Variants in DST observed in about 807,000 individuals in gnomAD.
DST encodes the protein dystonin, also known as bullous pemphigoid antigen.
A neutral mutation model predicts 875.2 loss-of-function variants in DST; 253 were observed. The observed-to-expected ratio is 0.29, with a 90% CI of 0.26 to 0.32. The LOEUF is 0.32. Ranked by LOEUF, DST falls within the 10% of genes least tolerant of loss-of-function variation. The pLI, the probability that DST is intolerant of heterozygous loss-of-function variation, is 1.00. For synonymous variants in DST, 3,124 were observed against 3,197.1 expected (o/e 0.98, Z 0.77); for missense variants, 8,287 against 9,111.6 (o/e 0.91, Z 3.68).
At chr6:56,573,611 A>T in intron 51 of DST, 68 bp downstream of exon 51, 1 of 1,173,716 alleles carries the variant, frequency 8.5e-7, no homozygotes, top group Non-Finnish European at 1.2e-6. Flanking sequence ...AAATCTAACT[A>T]CACTTTGAGC....
intron 34 of DST, among the ~76,000 whole-genome samples, chr6:56,626,593 G>T: frequency 6.6e-6 from 1 of 152,080 alleles, no homozygotes; most frequent in East Asian, 1.9e-4. Flanking sequence ...CGCATTTCTC[G>T]GAATATATCC....
intron 3 of DST, among the ~76,000 whole-genome samples, chr6:56,890,876 A>G (rs909689549): frequency 6.6e-6 from 1 of 152,214 alleles, no homozygotes; most frequent in Non-Finnish European, 1.5e-5. Context: ...TGCTTCATAT[A>G]AAGTCATTCA....
chr6:56,872,799 C>A (rs1777834051), intron 3 of DST, among the ~76,000 whole-genome samples: 1 of 147,390 alleles, frequency 6.8e-6, no homozygotes, highest in Non-Finnish European at 1.5e-5. Context: ...TATGGAAGTG[C>A]AGAATCTCTT....
At chr6:56,593,600 A>G (rs1427111641) in intron 48 of DST, 63 bp downstream of exon 48, 1 of 1,368,742 alleles carries the variant, frequency 7.3e-7, no homozygotes, top group Non-Finnish European at 9.7e-7. Flanking sequence ...CTTGTTCCAA[A>G]ACTATAATTG....
At chr6:56,489,953 G>A (rs1046834656) in intron 85 of DST, among the ~76,000 whole-genome samples, 3 of 152,022 alleles carry the variant, frequency 2.0e-5, no homozygotes, top group Admixed American at 6.6e-5. Context: ...AAAATGTTTT[G>A]TATTTTTGTT....
Position 56,635,536 on chromosome 6 carries a change from C to G in DST, c.3186+53G>C. The G allele has an allele frequency of 1.9e-6, 3 of 1,581,536 alleles. No homozygotes were observed. The Admixed American group carries it at 5.0e-5, about 27-fold the overall frequency. ...TACAAAGTTCTGCTCATATAAAACA[C>G]TAATCTAATCACTTATGCATACTTA... On this transcript the variant is annotated intron_variant, in intron 24 of 103. Transcript: ENST00000680361.
chr6:56,811,971 GC>G (rs2099760471), intron 4 of DST, among the ~76,000 whole-genome samples: 1 of 151,432 alleles, frequency 6.6e-6, no homozygotes, highest in South Asian at 2.1e-4. Context: ...GCGTAGTGGA[GC>G]ACACCTGTAG....
At chr6:56,809,430 A>C (rs915584021) in intron 4 of DST, among the ~76,000 whole-genome samples, 1 of 152,182 alleles carries the variant, frequency 6.6e-6, no homozygotes, top group African/African-American at 2.4e-5. Flanking sequence ...CTTATTTCAC[A>C]ACCTAACCAT....
chr6:56,611,781 C>T (rs2098547436), intron 37 of DST, among the ~76,000 whole-genome samples, 185 bp from the exon 38 acceptor site: 1 of 152,092 alleles, frequency 6.6e-6, no homozygotes, highest in Admixed American at 6.5e-5. Context: ...ATTTAGAATC[C>T]GTAAGGAAAG....
Position 56,607,596 on chromosome 6 carries a change from T to C in DST, c.7032A>G (p.Ile2344Met), listed in dbSNP as rs777200026. 28 of 1,612,960 alleles carry C rather than the reference T, an allele frequency of 1.7e-5. No homozygotes were observed. The highest frequency in any genetic ancestry group is 2.2e-5 in the Non-Finnish European group (26 of 1,179,496). ...SSPSVCVPSL[I>M]SYLTQTELAD... ...CAAGTTCAGTCTGTGTTAAATATGATATGAGACTGGGAACACACACACTGG... is the reference window on the plus strand; with the variant it reads ...CAAGTTCAGTCTGTGTTAAATATGACATGAGACTGGGAACACACACACTGG... Residue 2344 changes from isoleucine to methionine, a missense_variant, in exon 40 of 104, where the codon ATA becomes ATG. Coordinates refer to ENST00000680361, the MANE Select transcript of DST (RefSeq NM_001374736.1).
chr6:56,817,087 A>AC (rs2099767390), intron 4 of DST, among the ~76,000 whole-genome samples: 1 of 127,208 alleles, frequency 7.9e-6, no homozygotes, highest in African/African-American at 3.0e-5. Context: ...TAAGCCACTT[A>AC]AACACACACA....
chr6:56,817,917 TTATC>T (rs1351251795), intron 4 of DST, among the ~76,000 whole-genome samples: 2 of 152,126 alleles, frequency 1.3e-5, no homozygotes, highest in Admixed American at 1.3e-4. Context: ...CTAGCCTGGA[TTATC>T]CAGGTGGACT....
At chr6:56,917,819 C>T (rs759303209) in intron 2 of DST, among the ~76,000 whole-genome samples, 1 of 152,166 alleles carries the variant, frequency 6.6e-6, no homozygotes, top group Non-Finnish European at 1.5e-5. Context: ...ACAAAATAGA[C>T]TCTCAATATG....
chr6:56,923,582 T>C (rs1805403362), intron 2 of DST, among the ~76,000 whole-genome samples: 3 of 151,674 alleles, frequency 2.0e-5, no homozygotes, highest in African/African-American at 7.3e-5. Context: ...AATTCAAATC[T>C]ACAGGATGGG....
chr6:56,482,499 A>G lies in DST; in HGVS notation c.21402+184T>C. 8.4e-6 allele frequency: 5 copies of G among 596,066 alleles called. 1 individual carries two copies. The Admixed American group carries it at 1.7e-4, about 21-fold the overall frequency. The allele number at this position is 596,066 out of a possible 1,614,324, so 36.9% of individuals were successfully genotyped here. On this transcript the variant is annotated intron_variant, in intron 89 of 103. Transcript: ENST00000680361. Reference sequence around the variant, plus strand: ...TGTGAAGATTAGAATGCCTCCCTCTAGCAGTAATTTAAATTCATGAGGGAG... The same window carrying G: ...TGTGAAGATTAGAATGCCTCCCTCTGGCAGTAATTTAAATTCATGAGGGAG...
Position 56,614,414 on chromosome 6 carries a change from A to T in DST, c.5000T>A (p.Ile1667Asn), listed in dbSNP as rs1265974861. 1.2e-6 allele frequency: 2 copies of T among 1,611,168 alleles called. No individual in the cohort carries two copies. The highest frequency in any genetic ancestry group is 4.5e-5 in the East Asian group (2 of 44,720). Reference sequence around the variant, plus strand: ...CTCTGCATCTTTCAATGTCTTGCTGATATTTGATACCCATTTTTGCAATTC... The same window carrying T: ...CTCTGCATCTTTCAATGTCTTGCTGTTATTTGATACCCATTTTTGCAATTC... The part of the protein sequence containing the change: ...AKELQKWVSN[I>N]SKTLKDAEKA... The change falls in exon 37 of 104, where the codon ATC becomes AAC. Residue 1667 changes from isoleucine (I) to asparagine (N), a missense_variant. Coordinates refer to ENST00000680361, the MANE Select transcript of DST (RefSeq NM_001374736.1).
At chr6:56,705,609 TGAA>T (rs573104245) in intron 5 of DST, among the ~76,000 whole-genome samples, 281 of 152,340 alleles carry the variant, frequency 1.8e-3, no homozygotes, top group African/African-American at 6.4e-3. Flanking sequence ...TTTTGATTGA[TGAA>T]GAAGAAGTTC....
intron 2 of DST, among the ~76,000 whole-genome samples, chr6:56,911,218 T>A (rs1798718229): frequency 6.6e-6 from 1 of 152,150 alleles, no homozygotes; most frequent in South Asian, 2.1e-4. Flanking sequence ...AGGGAGGGAA[T>A]TAATTCTATA....
At chr6:56,510,994 T>A (rs1012183885) in intron 73 of DST, among the ~76,000 whole-genome samples, 1 of 152,176 alleles carries the variant, frequency 6.6e-6, no homozygotes, top group African/African-American at 2.4e-5. Context: ...ATTTGTATTA[T>A]ATCTATAAGC....
Sources: gnomAD v4.1 joint callset for allele counts (sites outside exome capture counted in the v4.1 genomes callset) on GRCh38, gnomAD v4.1.1 for gene constraint, MANE v1.5 for transcripts, NCBI Gene and HGNC (gene_info 2026-07-23, HGNC 2026-07-21) for gene names.